SLC4A7: variants seen among roughly 807,000 people sequenced by gnomAD.
The protein encoded by SLC4A7 is solute carrier family 4 member 7.
A neutral mutation model predicts 137.6 loss-of-function variants in SLC4A7; 51 were observed. The ratio of observed to expected loss-of-function variants is 0.37; its 90% CI spans 0.30 to 0.47. The LOEUF (loss-of-function observed/expected upper bound fraction) is 0.47, where lower values mean the gene tolerates loss of function less well. Ranked by LOEUF, SLC4A7 falls within the 20% of genes least tolerant of loss-of-function variation. SLC4A7 has a pLI of 1.00. For synonymous variants in SLC4A7, 542 were observed against 518.6 expected (o/e 1.05, Z -0.61); for missense variants, 1,247 against 1,525.4 (o/e 0.82, Z 3.04).
intron 11 of SLC4A7, among the ~76,000 whole-genome samples, chr3:27,413,642 T>A (rs1230297524): frequency 1.3e-5 from 2 of 152,170 alleles, no homozygotes; most frequent in Admixed American, 6.5e-5. Context: ...TGAAAAGGCA[T>A]TTGATAAAAT....
intron 1 of SLC4A7, among the ~76,000 whole-genome samples, chr3:27,477,569 C>T (rs993456629): frequency 1.3e-5 from 2 of 152,184 alleles, no homozygotes; most frequent in African/African-American, 4.8e-5. Context: ...TGCATTCTCT[C>T]CCCATCAAAG....
chr3:27,475,021 A>G (rs1176944245), intron 1 of SLC4A7, among the ~76,000 whole-genome samples: 2 of 152,114 alleles, frequency 1.3e-5, no homozygotes, highest in African/African-American at 2.4e-5. Context: ...AAGGCAGGAC[A>G]ATCGCTTGAA....
intron 1 of SLC4A7, among the ~76,000 whole-genome samples, chr3:27,475,671 T>C (rs186506602): frequency 3.8e-4 from 58 of 152,308 alleles, no homozygotes; most frequent in African/African-American, 1.3e-3. Flanking sequence ...CTTCCCCAGA[T>C]ACAAACAGGC....
At chr3:27,472,337 C>T (rs1334692362) in intron 1 of SLC4A7, among the ~76,000 whole-genome samples, 1 of 152,066 alleles carries the variant, frequency 6.6e-6, no homozygotes, top group Non-Finnish European at 1.5e-5. Flanking sequence ...CCTGTAATCC[C>T]AGTGCTTTGG....
Position 27,379,351 on chromosome 3 carries a change from T to A in SLC4A7, c.3596A>T (p.Asp1199Val). The A allele has an allele frequency of 2.0e-6, 3 of 1,513,170 alleles. No individual in the cohort carries two copies. The highest frequency in any genetic ancestry group is 2.7e-6 in the Non-Finnish European group (3 of 1,125,800). The allele number at this position is 1,513,170 out of a possible 1,614,324, so 93.7% of individuals were successfully genotyped here. ...ATCTGATATGTTAACAATTGAGGGATCAACACTGAAGAACAAATACACTTT... is the reference window on the plus strand; with the variant it reads ...ATCTGATATGTTAACAATTGAGGGAACAACACTGAAGAACAAATACACTTT... ...IPVKALKYSV[D>V]PSIVNISDEM... Residue 1199 changes from aspartate (D) to valine (V), a missense_variant, in exon 25 of 26, where the codon GAT becomes GTT. Coordinates refer to ENST00000454389, the MANE Select transcript of SLC4A7 (RefSeq NM_001321103.2).
In SLC4A7 at chr3:27,424,144, C is replaced by T; in HGVS notation, c.1159G>A (p.Ala387Thr). ...ENVDLTPGIL[A>T]SPQSAPGNLD... ...TTTCCAGGAGCAGACTGGGGAGAGG[C>T]CAAAATACCTATGTTTAAAGACAAA... The change falls in exon 8 of 26, where the codon GCC becomes ACC. Residue 387 changes from alanine (A) to threonine (T), a missense_variant. By Grantham distance (58) the Ala-to-Thr change is moderately conservative (BLOSUM62 0). This residue lies in a region of SLC4A7 where 499 missense variants were observed against 664.2 expected (regional missense o/e 0.75). Coordinates refer to ENST00000454389, the MANE Select transcript of SLC4A7 (RefSeq NM_001321103.2). The T allele has an allele frequency of 6.4e-7, 1 of 1,556,838 alleles. No homozygotes were observed. Among genetic ancestry groups the T allele is most frequent in the Non-Finnish European group, 8.8e-7 (1 of 1,137,680 alleles).
chr3:27,392,842 A>G (rs1439645769), intron 20 of SLC4A7, among the ~76,000 whole-genome samples: 1 of 152,138 alleles, frequency 6.6e-6, no homozygotes, highest in Non-Finnish European at 1.5e-5. Context: ...AAAAAGAAAA[A>G]AAAATGCTAG....
chr3:27,472,948 C>T (rs898316114), intron 1 of SLC4A7, among the ~76,000 whole-genome samples: 2 of 151,998 alleles, frequency 1.3e-5, no homozygotes, highest in Admixed American at 6.6e-5. Flanking sequence ...GGCGTGGTAG[C>T]GCAAGCTAGT....
chr3:27,417,426 T>A (rs1375774852), intron 11 of SLC4A7, among the ~76,000 whole-genome samples: 2 of 152,170 alleles, frequency 1.3e-5, no homozygotes, highest in Non-Finnish European at 2.9e-5. Flanking sequence ...ATCAGGAATA[T>A]TCAACCTCAC....
chr3:27,454,326 C>T (rs952691191), intron 1 of SLC4A7, among the ~76,000 whole-genome samples: 152 of 151,998 alleles, frequency 1.0e-3, no homozygotes, highest in African/African-American at 3.5e-3. Context: ...ATTAGCTGGG[C>T]GTGGTAGCGG....
intron 1 of SLC4A7, among the ~76,000 whole-genome samples, chr3:27,455,107 C>T (rs773740778): frequency 2.0e-5 from 3 of 151,498 alleles, no homozygotes; most frequent in Non-Finnish European, 2.9e-5. Context: ...TTCAACTTCT[C>T]TGAACTTTCA....
chr3:27,428,542 T>C (rs2055899353), intron 7 of SLC4A7, among the ~76,000 whole-genome samples: 1 of 152,212 alleles, frequency 6.6e-6, no homozygotes, highest in Non-Finnish European at 1.5e-5. Flanking sequence ...TAAATGTAAC[T>C]GGTGTGTTTC....
intron 5 of SLC4A7, among the ~76,000 whole-genome samples, chr3:27,435,189 T>C (rs931994177): frequency 3.3e-5 from 5 of 152,234 alleles, no homozygotes; most frequent in Admixed American, 2.6e-4. Flanking sequence ...TGTTTTTCCA[T>C]GGGAGCAATC....
intron 1 of SLC4A7, chr3:27,456,875 C>T: frequency 7.3e-7 from 1 of 1,377,566 alleles, no homozygotes. Context: ...CTACAACTTA[C>T]ACAGGGTCAC....
At chr3:27,481,503 T>C (rs1303111228) in intron 1 of SLC4A7, among the ~76,000 whole-genome samples, 1 of 152,256 alleles carries the variant, frequency 6.6e-6, no homozygotes, top group Non-Finnish European at 1.5e-5. Flanking sequence ...GTTAGAGTTA[T>C]GACTGATGAA....
chr3:27,440,482 C>T lies in SLC4A7; in HGVS notation c.290-2956G>A, dbSNP rs554527629. On this transcript the variant is annotated intron_variant, in intron 3 of 25. Transcript: ENST00000454389. ...GTGACTCACAGTTGTAATCCCAGCACTTTGGGAGGCCGAGGCAGGTGGATC... is the reference window on the plus strand; with the variant it reads ...GTGACTCACAGTTGTAATCCCAGCATTTTGGGAGGCCGAGGCAGGTGGATC... 9.9e-5 allele frequency among the ~76,000 whole-genome samples: 15 copies of T among 152,254 alleles called. No individual in the cohort carries two copies. In the East Asian group the frequency reaches 2.7e-3, roughly 27 times the overall value.
chr3:27,423,738 T>G (rs975772631), intron 8 of SLC4A7: 1 of 244,878 alleles, frequency 4.1e-6, no homozygotes, highest in Non-Finnish European at 7.8e-6. Context: ...CAAAAAGTAC[T>G]GACGTTTCAC....
intron 11 of SLC4A7, among the ~76,000 whole-genome samples, chr3:27,415,980 A>G (rs568194285): frequency 1.3e-5 from 2 of 152,334 alleles, no homozygotes; most frequent in South Asian, 4.1e-4. Flanking sequence ...GGCAGACTTC[A>G]TTCTATGGTA....
At chr3:27,443,084 T>C (rs907383391) in intron 3 of SLC4A7, among the ~76,000 whole-genome samples, 2 of 137,888 alleles carry the variant, frequency 1.5e-5, no homozygotes, top group Non-Finnish European at 3.0e-5. Flanking sequence ...CAGGCTGGAG[T>C]GCAGTGGTGA....
Sources: allele counts gnomAD v4.1 joint callset (sites outside exome capture counted in the v4.1 genomes callset), GRCh38; gene constraint gnomAD v4.1.1; regional missense constraint gnomAD v4.1.1; transcripts MANE v1.5; gene names NCBI Gene and HGNC (gene_info 2026-07-23, HGNC 2026-07-21).